KIAA1328: variants seen among roughly 807,000 people sequenced by gnomAD.
KIAA1328 encodes the protein protein hinderin.
Under a neutral mutation model 68.1 loss-of-function variants are expected in KIAA1328, and 52 were observed. That is an observed-to-expected ratio of 0.76 (90% CI 0.61 to 0.96). The LOEUF is 0.96. Among genes scored for constraint, KIAA1328 ranks in the 40% least tolerant of loss-of-function variants. KIAA1328 has a pLI of 0.00. For synonymous variants in KIAA1328, 232 were observed against 239.4 expected (o/e 0.97, Z 0.28); for missense variants, 641 against 677.6 (o/e 0.95, Z 0.60).
chr18:37,034,926 G>A (rs1388473753), intron 6 of KIAA1328, among the ~76,000 whole-genome samples: 2 of 152,178 alleles, frequency 1.3e-5, no homozygotes, highest in African/African-American at 4.8e-5. Context: ...AGAGAGGAAA[G>A]CATAAGAATT....
intron 6 of KIAA1328, among the ~76,000 whole-genome samples, chr18:37,019,606 T>G (rs1355777319): frequency 6.6e-6 from 1 of 152,222 alleles, no homozygotes; most frequent in Non-Finnish European, 1.5e-5. Context: ...GGCTCCAAGT[T>G]CTCTGCATGG....
intron 6 of KIAA1328, among the ~76,000 whole-genome samples, chr18:37,038,373 T>G (rs2055113707): frequency 6.6e-6 from 1 of 152,152 alleles, no homozygotes. Flanking sequence ...ATATCAGAAG[T>G]CTTATACTTC....
At chr18:36,936,519 G>A (rs965038592) in intron 5 of KIAA1328, among the ~76,000 whole-genome samples, 5 of 152,096 alleles carry the variant, frequency 3.3e-5, no homozygotes, top group Middle Eastern at 3.2e-3. Context: ...TATCATTGAC[G>A]GGCATTTGGG....
chr18:36,999,430 G>A (rs917841368), intron 6 of KIAA1328, among the ~76,000 whole-genome samples: 1 of 152,092 alleles, frequency 6.6e-6, no homozygotes, highest in East Asian at 1.9e-4. Context: ...CAATTGCCAG[G>A]CAGATACAAT....
intron 8 of KIAA1328, among the ~76,000 whole-genome samples, chr18:37,161,732 A>G (rs2059283028): frequency 6.6e-6 from 1 of 152,246 alleles, no homozygotes; most frequent in Non-Finnish European, 1.5e-5. Flanking sequence ...GCAAGGCTTA[A>G]CATAGTCTTC....
chr18:37,085,211 G>T (rs1209267865), intron 7 of KIAA1328, among the ~76,000 whole-genome samples: 2 of 152,146 alleles, frequency 1.3e-5, no homozygotes, highest in African/African-American at 4.8e-5. Context: ...TTGGCCTGGA[G>T]TCTGGGACCG....
At chr18:36,983,387 A>T (rs1470589516) in intron 6 of KIAA1328, among the ~76,000 whole-genome samples, 1 of 152,074 alleles carries the variant, frequency 6.6e-6, no homozygotes, top group East Asian at 1.9e-4. Context: ...TACTTAAAAA[A>T]CAGAGTTAAA....
chr18:37,006,150 G>A (rs750755965), intron 6 of KIAA1328, among the ~76,000 whole-genome samples: 4 of 151,984 alleles, frequency 2.6e-5, no homozygotes, highest in Non-Finnish European at 5.9e-5. Flanking sequence ...TCACATGTAT[G>A]CCATAAATTT....
chr18:37,015,676 C>G (rs2054128520), intron 6 of KIAA1328, among the ~76,000 whole-genome samples: 1 of 152,036 alleles, frequency 6.6e-6, no homozygotes, highest in Non-Finnish European at 1.5e-5. Flanking sequence ...TGATTTCTTT[C>G]TGCAGTGTTT....
chr18:37,097,045 G>A (rs904408531), intron 7 of KIAA1328, among the ~76,000 whole-genome samples: 15 of 152,156 alleles, frequency 9.9e-5, no homozygotes, highest in African/African-American at 3.6e-4. Flanking sequence ...TCTGATGGTA[G>A]TTTCTTTTGC....
intron 6 of KIAA1328, among the ~76,000 whole-genome samples, chr18:37,004,401 A>G (rs1358054998): frequency 6.6e-6 from 1 of 152,114 alleles, no homozygotes; most frequent in Non-Finnish European, 1.5e-5. Flanking sequence ...AACTCAAACA[A>G]ATTAGCAAGA....
intron 6 of KIAA1328, among the ~76,000 whole-genome samples, chr18:37,014,010 T>G (rs941413359): frequency 6.6e-6 from 1 of 152,236 alleles, no homozygotes; most frequent in Non-Finnish European, 1.5e-5. Context: ...GCATCTGTTT[T>G]TTTGTTTACA....
At chr18:37,218,081 A>C (rs946393369) in intron 9 of KIAA1328, among the ~76,000 whole-genome samples, 1 of 152,260 alleles carries the variant, frequency 6.6e-6, no homozygotes, top group Non-Finnish European at 1.5e-5. Context: ...AAATGCAATA[A>C]CTCTACAGAA....
chr18:37,155,367 A>G (rs984531623), intron 7 of KIAA1328, among the ~76,000 whole-genome samples: 22 of 152,198 alleles, frequency 1.4e-4, no homozygotes, highest in African/African-American at 5.3e-4. Flanking sequence ...AAGCATCTCA[A>G]GCTGCAGTTA....
chr18:37,009,338 A>G (rs1272199678), intron 6 of KIAA1328, among the ~76,000 whole-genome samples: 3 of 152,176 alleles, frequency 2.0e-5, no homozygotes, highest in Non-Finnish European at 4.4e-5. Context: ...AGTTCTGGCT[A>G]GTGAGATGTA....
At chr18:36,922,058 T>C (rs898350344) in intron 5 of KIAA1328, among the ~76,000 whole-genome samples, 6 of 151,714 alleles carry the variant, frequency 4.0e-5, no homozygotes, top group Non-Finnish European at 8.8e-5. Flanking sequence ...CTCCAGAGAA[T>C]ACTTTTTTTT....
chr18:37,218,114 AGAAGCAAAT>A (rs1265542398), intron 9 of KIAA1328, among the ~76,000 whole-genome samples: 9 of 152,270 alleles, frequency 5.9e-5, no homozygotes, highest in African/African-American at 2.2e-4. Context: ...AAGAATCAAA[AGAAGCAAAT>A]GGTTACAGAG....
chr18:37,036,958 C>A (rs1055850894), intron 6 of KIAA1328, among the ~76,000 whole-genome samples: 1 of 152,148 alleles, frequency 6.6e-6, no homozygotes, highest in Admixed American at 6.5e-5. Context: ...GATATACAGA[C>A]CCTAAGAAAC....
At chr18:36,951,061 T>A (rs1267383910) in intron 5 of KIAA1328, among the ~76,000 whole-genome samples, 1 of 152,210 alleles carries the variant, frequency 6.6e-6, no homozygotes, top group African/African-American at 2.4e-5. Flanking sequence ...TATTTATCTT[T>A]GTTATTTATC....
Sources: allele counts gnomAD v4.1 joint callset (sites outside exome capture counted in the v4.1 genomes callset), GRCh38; gene constraint gnomAD v4.1.1; transcripts MANE v1.5; gene names NCBI Gene and HGNC (gene_info 2026-07-23, HGNC 2026-07-21).